Variants in SAMMSON observed in about 807,000 individuals in gnomAD.
The protein encoded by SAMMSON is survival associated mitochondrial melanoma specific oncogenic non-coding RNA.
rs767849178 is a variant in SAMMSON, at chr3:70,018,123, C to G, written n.417+4451C>G. Among the ~76,000 whole-genome samples the G allele has an allele frequency of 2.1e-4, 32 of 152,128 alleles. 1 individual carries two copies. The highest frequency in any genetic ancestry group is 4.4e-4 in the Non-Finnish European group (30 of 68,024). On this transcript the variant is annotated intron_variant and non_coding_transcript_variant, in intron 3 of 9. Transcript: ENST00000642114. ...TAAAATGAGTGAGGGAGGATTCCCT[C>G]TTTTTCTATCAATTGGAATAGTTTC...
intron 7 of SAMMSON, among the ~76,000 whole-genome samples, chr3:70,302,969 C>T (rs1320756481): frequency 6.6e-6 from 1 of 152,116 alleles, no homozygotes; most frequent in Non-Finnish European, 1.5e-5. Flanking sequence ...CCTATGAGAA[C>T]ACAGAAGATC....
chr3:70,013,539 T>C (rs1287051408), exon 3 of SAMMSON: 1 of 152,176 alleles, frequency 6.6e-6, no homozygotes, highest in South Asian at 2.1e-4. Context: ...ACTGAAAGTC[T>C]CAGAAAGGCA....
At chr3:70,293,240 C>G in intron 7 of SAMMSON, among the ~76,000 whole-genome samples, 1 of 151,778 alleles carries the variant, frequency 6.6e-6, no homozygotes, top group East Asian at 1.9e-4. Flanking sequence ...GAATAATGTT[C>G]TTAAATGCAT....
intron 4 of SAMMSON, among the ~76,000 whole-genome samples, chr3:70,073,181 C>T (rs569303098): frequency 1.3e-5 from 2 of 151,924 alleles, no homozygotes; most frequent in African/African-American, 4.8e-5. Context: ...CTAATGGCAA[C>T]GGCAAGACAG....
intron 2 of SAMMSON, among the ~76,000 whole-genome samples, chr3:70,423,077 C>A (rs780845649): frequency 1.1e-4 from 17 of 151,718 alleles, no homozygotes; most frequent in Middle Eastern, 3.4e-3. Context: ...AAATTATATA[C>A]ATAATGTTTA....
At chr3:70,380,764 A>C (rs747182236) in intron 9 of SAMMSON, among the ~76,000 whole-genome samples, 1 of 151,890 alleles carries the variant, frequency 6.6e-6, no homozygotes, top group Non-Finnish European at 1.5e-5. Context: ...TCATTGTTCA[A>C]TTCCCACCTA....
chr3:70,084,036 G>T (rs974099311), intron 4 of SAMMSON, among the ~76,000 whole-genome samples: 2 of 152,148 alleles, frequency 1.3e-5, no homozygotes, highest in African/African-American at 4.8e-5. Flanking sequence ...CAGAGACCTT[G>T]AGATTTACTA....
At chr3:70,032,243 C>T (rs1019211163) in intron 3 of SAMMSON, among the ~76,000 whole-genome samples, 1 of 151,898 alleles carries the variant, frequency 6.6e-6, no homozygotes, top group Non-Finnish European at 1.5e-5. Context: ...TGTCAGAGTA[C>T]ATCAAGCAAA....
At chr3:70,400,229 T>C (rs1382097210) in intron 2 of SAMMSON, among the ~76,000 whole-genome samples, 2 of 152,176 alleles carry the variant, frequency 1.3e-5, no homozygotes, top group Non-Finnish European at 2.9e-5. Context: ...CATGGTTTGG[T>C]TTGTCCCCAA....
At chr3:70,165,515 T>C (rs915342550) in intron 4 of SAMMSON, among the ~76,000 whole-genome samples, 1 of 151,956 alleles carries the variant, frequency 6.6e-6, no homozygotes. Flanking sequence ...ATGCTGATGC[T>C]TTGATCTTGG....
intron 6 of SAMMSON, among the ~76,000 whole-genome samples, chr3:70,290,667 C>G (rs1202222818): frequency 6.6e-6 from 1 of 152,098 alleles, no homozygotes; most frequent in East Asian, 1.9e-4. Flanking sequence ...GCCTCGCTGC[C>G]GCCTTGCAGT....
intron 7 of SAMMSON, among the ~76,000 whole-genome samples, chr3:70,318,681 A>G (rs192049487): frequency 2.6e-5 from 4 of 152,104 alleles, no homozygotes; most frequent in Non-Finnish European, 2.9e-5. Context: ...CAAACATCTA[A>G]TATTTTTAGT....
chr3:70,030,376 C>T (rs1249391402), intron 3 of SAMMSON: 1 of 152,174 alleles, frequency 6.6e-6, no homozygotes, highest in Non-Finnish European at 1.5e-5. Context: ...CTAGATTAAG[C>T]AACCAGTTCT....
At chr3:70,287,948 T>C (rs1434779496) in intron 6 of SAMMSON, among the ~76,000 whole-genome samples, 1 of 152,168 alleles carries the variant, frequency 6.6e-6, no homozygotes, top group African/African-American at 2.4e-5. Context: ...TTCTTCTCTC[T>C]TTTTTTCTTT....
intron 7 of SAMMSON, among the ~76,000 whole-genome samples, chr3:70,293,071 A>G (rs898829117): frequency 1.4e-5 from 2 of 145,974 alleles, no homozygotes; most frequent in Non-Finnish European, 3.0e-5. Context: ...AAAAAAAAAA[A>G]GTAGCATATT....
At chr3:70,359,104 T>C (rs1023907587) in intron 9 of SAMMSON, among the ~76,000 whole-genome samples, 1 of 151,528 alleles carries the variant, frequency 6.6e-6, no homozygotes, top group African/African-American at 2.4e-5. Context: ...TGAAAAAATA[T>C]CAGAAAACAT....
chr3:70,064,803 G>A (rs1452718604), intron 3 of SAMMSON, among the ~76,000 whole-genome samples: 1 of 152,036 alleles, frequency 6.6e-6, no homozygotes, highest in Non-Finnish European at 1.5e-5. Flanking sequence ...AAGTCAATAT[G>A]TCTTACTGGA....
intron 6 of SAMMSON, among the ~76,000 whole-genome samples, chr3:70,282,917 A>C (rs887196245): frequency 6.6e-6 from 1 of 152,200 alleles, no homozygotes; most frequent in African/African-American, 2.4e-5. Flanking sequence ...ATGAAATAGT[A>C]AAAGGGGTAA....
intron 7 of SAMMSON, among the ~76,000 whole-genome samples, chr3:70,316,677 GT>G (rs1702496374): frequency 1.3e-5 from 2 of 152,100 alleles, no homozygotes; most frequent in African/African-American, 4.8e-5. Context: ...GGTATCAAAG[GT>G]AAAGGTAAAT....
Sources: allele counts gnomAD v4.1 joint callset (sites outside exome capture counted in the v4.1 genomes callset), GRCh38; gene constraint gnomAD v4.1.1; transcripts MANE v1.5; gene names NCBI Gene and HGNC (gene_info 2026-07-23, HGNC 2026-07-21).